The following CIMIP6 variants were observed in gnomAD, a reference collection of about 807,000 sequenced individuals.
The protein encoded by CIMIP6 is uncharacterized protein C2orf73.
At chr2:54,345,783 T>G in the CIMIP6 span, among the ~76,000 whole-genome samples, 1 of 152,224 alleles carries the variant, frequency 6.6e-6, no homozygotes, top group African/African-American at 2.4e-5. Flanking sequence ...TGGGTGCTTC[T>G]AAGTGTGAAG....
chr2:54,363,034 A>G, the CIMIP6 span, among the ~76,000 whole-genome samples: 1 of 151,756 alleles, frequency 6.6e-6, no homozygotes, highest in African/African-American at 2.4e-5. Flanking sequence ...AGTACATAAG[A>G]CTCTTGCTCT....
At chr2:54,334,448 A>G in the CIMIP6 span, among the ~76,000 whole-genome samples, 1 of 152,202 alleles carries the variant, frequency 6.6e-6, no homozygotes, top group Admixed American at 6.5e-5. Context: ...TCTCTTGGTA[A>G]TAAAACTTTT....
the CIMIP6 span, among the ~76,000 whole-genome samples, chr2:54,373,912 T>A: frequency 2.0e-5 from 3 of 152,270 alleles, no homozygotes; most frequent in Admixed American, 2.0e-4. Flanking sequence ...ATATTTATCT[T>A]CCTAATAGTC....
chr2:54,354,041 A>G, the CIMIP6 span, among the ~76,000 whole-genome samples: 1,202 of 152,310 alleles, frequency 7.9e-3, 17 homozygotes, highest in African/African-American at 0.028. Context: ...ACTATTAAGT[A>G]GGGAATCAAT....
At chr2:54,335,720 T>C in the CIMIP6 span, among the ~76,000 whole-genome samples, 1 of 152,188 alleles carries the variant, frequency 6.6e-6, no homozygotes, top group African/African-American at 2.4e-5. Flanking sequence ...TGAAAGCTGG[T>C]TTAAAGCAGC....
the CIMIP6 span, among the ~76,000 whole-genome samples, chr2:54,370,233 C>G: frequency 2.6e-4 from 39 of 151,776 alleles, no homozygotes; most frequent in Admixed American, 2.6e-3. Context: ...CCAGCCTGGG[C>G]AGCAGAGTAA....
chr2:54,334,933 G>A, the CIMIP6 span: 21 of 1,595,548 alleles, frequency 1.3e-5, no homozygotes, highest in Admixed American at 1.7e-5. Flanking sequence ...GGAAGAGGAC[G>A]TATATATTAT....
At chr2:54,381,675 G>A in the CIMIP6 span, among the ~76,000 whole-genome samples, 1 of 152,170 alleles carries the variant, frequency 6.6e-6, no homozygotes. Flanking sequence ...GATTTTATGA[G>A]CCTATTCAGC....
chr2:54,375,183 G>A, the CIMIP6 span, among the ~76,000 whole-genome samples: 1 of 152,062 alleles, frequency 6.6e-6, no homozygotes, highest in Admixed American at 6.5e-5. Context: ...AGCAAAAAAT[G>A]TAACTTTAAT....
the CIMIP6 span, among the ~76,000 whole-genome samples, chr2:54,357,168 A>G: frequency 6.6e-6 from 1 of 152,226 alleles, no homozygotes; most frequent in Non-Finnish European, 1.5e-5. Flanking sequence ...TTAACAGTTA[A>G]CTTTTTTTAT....
At chr2:54,343,865 G>C in the CIMIP6 span, 1 of 1,598,822 alleles carries the variant, frequency 6.3e-7, no homozygotes. Context: ...AAGCCTTCTT[G>C]TGGAATAGGT....
chr2:54,363,934 G>C, the CIMIP6 span, among the ~76,000 whole-genome samples: 31,802 of 152,176 alleles, frequency 0.21, 3,615 homozygotes, highest in East Asian at 0.48. Context: ...AGAGGAGAAT[G>C]GTCTGGGGTC....
the CIMIP6 span, among the ~76,000 whole-genome samples, chr2:54,369,246 G>A: frequency 8.5e-5 from 13 of 152,106 alleles, no homozygotes; most frequent in Non-Finnish European, 1.8e-4. Flanking sequence ...TCTGCCTGAT[G>A]TGAAATGAAC....
chr2:54,343,023 C>T, the CIMIP6 span, among the ~76,000 whole-genome samples: 1 of 152,134 alleles, frequency 6.6e-6, no homozygotes, highest in East Asian at 1.9e-4. Context: ...TTCTTGTGTA[C>T]TTAGGTTTTA....
chr2:54,380,657 T>G, the CIMIP6 span, among the ~76,000 whole-genome samples: 3 of 152,202 alleles, frequency 2.0e-5, no homozygotes, highest in African/African-American at 7.2e-5. Flanking sequence ...CTCCCCTAAC[T>G]GCAGGGCCAC....
the CIMIP6 span, among the ~76,000 whole-genome samples, chr2:54,364,833 G>A: frequency 2.0e-5 from 3 of 152,140 alleles, no homozygotes; most frequent in South Asian, 2.1e-4. Flanking sequence ...CCATCATCCC[G>A]AACACAGATA....
the CIMIP6 span, among the ~76,000 whole-genome samples, chr2:54,370,859 G>A: frequency 7.2e-5 from 11 of 152,176 alleles, no homozygotes; most frequent in Non-Finnish European, 1.3e-4. Context: ...AACTTTGGCC[G>A]TACCCAGGGT....
At chr2:54,377,358 G>C in the CIMIP6 span, among the ~76,000 whole-genome samples, 1 of 152,088 alleles carries the variant, frequency 6.6e-6, no homozygotes, top group Non-Finnish European at 1.5e-5. Flanking sequence ...CAAGAGAAGA[G>C]GCAATAATCA....
the CIMIP6 span, among the ~76,000 whole-genome samples, chr2:54,344,747 G>T: frequency 1.3e-5 from 2 of 152,038 alleles, no homozygotes; most frequent in East Asian, 3.8e-4. Context: ...GACAACCAAA[G>T]ATTAGAATTA....
Sources: gnomAD v4.1 joint callset for allele counts (sites outside exome capture counted in the v4.1 genomes callset) on GRCh38, gnomAD v4.1.1 for gene constraint, MANE v1.5 for transcripts, NCBI Gene and HGNC (gene_info 2026-07-23, HGNC 2026-07-21) for gene names.